CELF2: variants seen among roughly 807,000 people sequenced by gnomAD.
CELF2 encodes the protein CUGBP Elav-like family member 2.
Under a neutral mutation model 62.6 loss-of-function variants are expected in CELF2, and 8 were observed. The observed-to-expected ratio is 0.13, with a 90% CI of 0.07 to 0.23. The LOEUF (loss-of-function observed/expected upper bound fraction) is 0.23, where lower values mean the gene tolerates loss of function less well. Among genes scored for constraint, CELF2 ranks in the 10% least tolerant of loss-of-function variants. The pLI is 1.00. For missense variants in CELF2, 333 were observed against 671.0 expected (o/e 0.50, Z 5.56); for synonymous variants, 258 against 250.0 (o/e 1.03, Z -0.30).
chr10:10,922,928 T>C (rs2065058606), intron 2 of CELF2: 1 of 152,236 alleles, frequency 6.6e-6, no homozygotes, highest in South Asian at 2.1e-4. Flanking sequence ...CACATTAACA[T>C]GAAATCATGT....
At chr10:11,129,831 GATTC>G (rs1360017621) in intron 1 of CELF2, among the ~76,000 whole-genome samples, 2 of 152,170 alleles carry the variant, frequency 1.3e-5, no homozygotes, top group African/African-American at 2.4e-5. Context: ...CCAGCTCCTG[GATTC>G]ATTGATTTTT....
chr10:10,613,015 T>G, the CELF2 span, among the ~76,000 whole-genome samples: 1 of 152,188 alleles, frequency 6.6e-6, no homozygotes, highest in African/African-American at 2.4e-5. Flanking sequence ...AAAATAAAAC[T>G]AGCATCAGAG....
At chr10:10,973,503 A>G (rs2050989272) in intron 2 of CELF2, among the ~76,000 whole-genome samples, 1 of 152,086 alleles carries the variant, frequency 6.6e-6, no homozygotes, top group African/African-American at 2.4e-5. Flanking sequence ...CCTACTCACC[A>G]TGTGGAAGAG....
chr10:10,464,836 T>C, the CELF2 span, among the ~76,000 whole-genome samples: 1 of 152,120 alleles, frequency 6.6e-6, no homozygotes, highest in African/African-American at 2.4e-5. Flanking sequence ...GTTAGTTAGA[T>C]TTTACCCTAT....
At chr10:10,464,216 TACA>T in the CELF2 span, among the ~76,000 whole-genome samples, 1 of 152,162 alleles carries the variant, frequency 6.6e-6, no homozygotes, top group African/African-American at 2.4e-5. Context: ...TCTGCCTCTT[TACA>T]ACAAGAGAAA....
intron 8 of CELF2, among the ~76,000 whole-genome samples, chr10:11,277,781 G>A (rs1202137995): frequency 1.3e-5 from 2 of 152,148 alleles, no homozygotes; most frequent in Non-Finnish European, 2.9e-5. Flanking sequence ...GAAGAAACCC[G>A]AGAGGTTATT....
chr10:11,037,487 T>A (rs1046802772), intron 1 of CELF2, among the ~76,000 whole-genome samples: 1 of 152,208 alleles, frequency 6.6e-6, no homozygotes, highest in African/African-American at 2.4e-5. Context: ...TCTGGATGTT[T>A]CCTGGTGAGC....
intron 1 of CELF2, among the ~76,000 whole-genome samples, chr10:10,802,795 G>A (rs1378666998): frequency 1.3e-5 from 2 of 152,168 alleles, no homozygotes; most frequent in African/African-American, 4.8e-5. Flanking sequence ...CCTGAGGAAT[G>A]TCCTTCCCCA....
At chr10:10,557,337 T>C in the CELF2 span, among the ~76,000 whole-genome samples, 1 of 151,924 alleles carries the variant, frequency 6.6e-6, no homozygotes, top group East Asian at 1.9e-4. Flanking sequence ...AAAGATCAGA[T>C]AGTTGTGGAT....
intron 1 of CELF2, among the ~76,000 whole-genome samples, chr10:10,823,834 G>GA (rs919997609): frequency 3.7e-4 from 57 of 152,222 alleles, no homozygotes; most frequent in African/African-American, 1.3e-3. Flanking sequence ...TTATATATGA[G>GA]AAAAAGCATA....
intron 1 of CELF2, among the ~76,000 whole-genome samples, chr10:11,113,206 C>A (rs958098627): frequency 2.0e-5 from 3 of 152,130 alleles, no homozygotes; most frequent in African/African-American, 7.2e-5. Flanking sequence ...TGATTCTTGC[C>A]AAGGTAATAT....
At chr10:10,723,827 C>T in the CELF2 span, among the ~76,000 whole-genome samples, 1 of 152,166 alleles carries the variant, frequency 6.6e-6, no homozygotes, top group East Asian at 1.9e-4. Flanking sequence ...TATTTGAAGT[C>T]ACATCTCATT....
the CELF2 span, among the ~76,000 whole-genome samples, chr10:10,739,895 A>G: frequency 2.6e-5 from 4 of 152,134 alleles, no homozygotes; most frequent in Non-Finnish European, 5.9e-5. Context: ...CTTCTTTGGA[A>G]GTATGTCTAT....
Position 11,211,499 on chromosome 10 carries a change from T to TA in CELF2, c.272-5925dup, listed in dbSNP as rs1243119178. 6.6e-6 allele frequency among the ~76,000 whole-genome samples: 1 copy of TA among 152,154 alleles called. No individual in the cohort carries two copies. The highest frequency in any genetic ancestry group is 2.4e-5 in the African/African-American group (1 of 41,436). On this transcript the variant is annotated intron_variant, in intron 2 of 12. Coordinates refer to ENST00000633077, the MANE Select transcript of CELF2 (RefSeq NM_001326342.2). The surrounding 1 kb of genome is among the most constrained non-coding windows in gnomAD (Gnocchi z 4.8). ...TCTACATTACCTCCACACTGAAAAATATAAATACGTTATTGCTCTTTGATT... is the reference window on the plus strand; with the variant it reads ...TCTACATTACCTCCACACTGAAAAATAATAAATACGTTATTGCTCTTTGATT...
At chr10:11,127,670 C>CT (rs2058950309) in intron 1 of CELF2, among the ~76,000 whole-genome samples, 1 of 152,122 alleles carries the variant, frequency 6.6e-6, no homozygotes, top group African/African-American at 2.4e-5. Flanking sequence ...TTTCATGTGT[C>CT]TTTTGGCTGC....
chr10:10,837,754 GA>G (rs962805939), intron 1 of CELF2, among the ~76,000 whole-genome samples: 5 of 152,132 alleles, frequency 3.3e-5, no homozygotes, highest in African/African-American at 1.2e-4. Context: ...CCATCCCCAG[GA>G]AAAGTGCTGG....
At chr10:10,821,197 T>C (rs2056932088) in intron 1 of CELF2, among the ~76,000 whole-genome samples, 1 of 152,148 alleles carries the variant, frequency 6.6e-6, no homozygotes, top group South Asian at 2.1e-4. Context: ...ACATCTAGCG[T>C]CCAAGGTACC....
the CELF2 span, among the ~76,000 whole-genome samples, chr10:10,597,227 C>G: frequency 6.6e-6 from 1 of 152,192 alleles, no homozygotes; most frequent in Admixed American, 6.5e-5. Flanking sequence ...ACCAAAGAGG[C>G]CCAATGAGTT....
chr10:10,979,454 G>A (rs1271099584), intron 2 of CELF2, among the ~76,000 whole-genome samples: 2 of 152,066 alleles, frequency 1.3e-5, no homozygotes, highest in Non-Finnish European at 2.9e-5. Context: ...GTGGATGGCT[G>A]GAGTCCAGGA....
Sources: allele counts gnomAD v4.1 joint callset (sites outside exome capture counted in the v4.1 genomes callset), GRCh38; gene constraint gnomAD v4.1.1; non-coding constraint Gnocchi (gnomAD v3.1); transcripts MANE v1.5; gene names NCBI Gene and HGNC (gene_info 2026-07-23, HGNC 2026-07-21).